Variants in CSTA observed in about 807,000 individuals in gnomAD.
CSTA encodes the protein cystatin-A.
Under a neutral mutation model 9.2 loss-of-function variants are expected in CSTA, and 9 were observed. The ratio of observed to expected loss-of-function variants is 0.97; its 90% CI spans 0.59 to 1.70. The LOEUF is 1.70. Ranked by LOEUF, CSTA falls within the 40% of genes most tolerant of loss-of-function variation. The pLI, the probability that CSTA is intolerant of heterozygous loss-of-function variation, is 0.00. For missense variants in CSTA, 118 were observed against 113.1 expected (o/e 1.04, Z -0.20); for synonymous variants, 36 against 40.6 (o/e 0.89, Z 0.43).
chr3:122,329,004 C>A (rs186992319), intron 1 of CSTA, among the ~76,000 whole-genome samples: 362 of 150,762 alleles, frequency 2.4e-3, no homozygotes, highest in Non-Finnish European at 3.9e-3. Flanking sequence ...CTCGCTCTGT[C>A]GCCCAGGCTG....
chr3:122,334,491 A>G (rs1049160180), intron 1 of CSTA, among the ~76,000 whole-genome samples: 8 of 152,066 alleles, frequency 5.3e-5, no homozygotes, highest in African/African-American at 1.9e-4. Flanking sequence ...TTAAAAAAAC[A>G]AAAAACAAAA....
chr3:122,332,834 C>A (rs377736582), intron 1 of CSTA, among the ~76,000 whole-genome samples: 1 of 152,188 alleles, frequency 6.6e-6, no homozygotes, highest in Non-Finnish European at 1.5e-5. Flanking sequence ...CTCCCACCAC[C>A]GTTCCCAGCT....
At chr3:122,331,878 A>G (rs1454022769) in intron 1 of CSTA, among the ~76,000 whole-genome samples, 1 of 151,854 alleles carries the variant, frequency 6.6e-6, no homozygotes, top group Non-Finnish European at 1.5e-5. Flanking sequence ...GTGGAAGGCA[A>G]TTTTTCCACA....
intron 1 of CSTA, among the ~76,000 whole-genome samples, chr3:122,335,989 ACACACACG>A (rs776645978): frequency 7.8e-6 from 1 of 129,032 alleles, no homozygotes. Context: ...ACACACACAC[ACACACACG>A]TACACACACA....
chr3:122,328,362 G>A (rs35835531), intron 1 of CSTA, among the ~76,000 whole-genome samples: 113,742 of 151,606 alleles, frequency 0.75, 44,395 homozygotes, highest in Non-Finnish European at 0.87. Context: ...TTAGCCCGGC[G>A]TGGTGGCAGG....
At chr3:122,340,831 C>T (rs186118272) in intron 2 of CSTA, among the ~76,000 whole-genome samples, 16 of 152,274 alleles carry the variant, frequency 1.1e-4, no homozygotes, top group African/African-American at 3.8e-4. Context: ...CACTTGTTTT[C>T]TTGCTCCATG....
chr3:122,327,528 CAAAAAAAAAAAA>C (rs59568582), intron 1 of CSTA, among the ~76,000 whole-genome samples: 4 of 44,092 alleles, frequency 9.1e-5, no homozygotes, highest in Non-Finnish European at 1.3e-4. Flanking sequence ...GACTCCGTCT[CAAAAAAAAAAAA>C]AAAAAAAAAA....
At chr3:122,339,806 G>A (rs1454008874) in intron 2 of CSTA, among the ~76,000 whole-genome samples, 3 of 152,178 alleles carry the variant, frequency 2.0e-5, no homozygotes, top group East Asian at 1.9e-4. Flanking sequence ...AGTGAGCTGC[G>A]ATCGCACCAC....
chr3:122,335,254 G>A (rs549793726), intron 1 of CSTA, among the ~76,000 whole-genome samples: 1 of 152,296 alleles, frequency 6.6e-6, no homozygotes, highest in African/African-American at 2.4e-5. Flanking sequence ...AGATGTCCAT[G>A]TCCTAATCCC....
intron 1 of CSTA, among the ~76,000 whole-genome samples, chr3:122,332,046 G>A (rs935529253): frequency 9.2e-5 from 14 of 152,182 alleles, no homozygotes; most frequent in South Asian, 2.1e-4. Context: ...AATCTGACAG[G>A]AGGCGGAGCT....
intron 2 of CSTA, 34 bp downstream of exon 2, chr3:122,337,682 A>C (rs1397718014): frequency 7.8e-7 from 1 of 1,277,764 alleles, no homozygotes; most frequent in Non-Finnish European, 1.1e-6. Flanking sequence ...GCGCCAAAAG[A>C]TGTATTTCTC....
chr3:122,337,121 T>C (rs1284687159), intron 1 of CSTA, among the ~76,000 whole-genome samples: 1 of 152,212 alleles, frequency 6.6e-6, no homozygotes, highest in African/African-American at 2.4e-5. Flanking sequence ...GATTATACTA[T>C]GTTATGTAAA....
At chr3:122,338,604 G>A (rs2075248722) in intron 2 of CSTA, among the ~76,000 whole-genome samples, 1 of 151,846 alleles carries the variant, frequency 6.6e-6, no homozygotes, top group Non-Finnish European at 1.5e-5. Context: ...TCTGCCAAAT[G>A]TGAGCTCCTA....
chr3:122,337,955 G>A (rs2075244786), intron 2 of CSTA: 1 of 352,272 alleles, frequency 2.8e-6, no homozygotes, highest in Non-Finnish European at 5.4e-6. Flanking sequence ...AAGGAGGGAG[G>A]ATCACGTCTC....
At chr3:122,326,861 T>C (rs1033575183) in intron 1 of CSTA, among the ~76,000 whole-genome samples, 2 of 152,216 alleles carry the variant, frequency 1.3e-5, no homozygotes, top group Non-Finnish European at 2.9e-5. Context: ...CAAGTGCTGC[T>C]GCTGCTGCCA....
chr3:122,337,566 A>G lies in CSTA; in HGVS notation c.86A>G (p.Glu29Gly), dbSNP rs2075242749. The change falls in exon 2 of 3, where the codon GAA becomes GGA. Residue 29 changes from glutamate to glycine, a missense_variant. Coordinates refer to ENST00000264474, the MANE Select transcript of CSTA (RefSeq NM_005213.4). ...IVDKVKPQLEEKTNETYGKLE... is the reference protein window; with the variant it reads ...IVDKVKPQLEGKTNETYGKLE... ...CTTTAGGTTAAACCACAGCTTGAAG[A>G]AAAAACAAATGAGACTTACGGAAAA... 2 of 1,612,456 alleles carry G rather than the reference A, an allele frequency of 1.2e-6. No individual in the cohort carries two copies. The highest frequency in any genetic ancestry group is 2.2e-5 in the South Asian group (2 of 91,044).
chr3:122,330,945 A>G (rs1450471500), intron 1 of CSTA, among the ~76,000 whole-genome samples: 1 of 152,192 alleles, frequency 6.6e-6, no homozygotes, highest in East Asian at 1.9e-4. Flanking sequence ...CCCAACAGCA[A>G]AAGCCTCCGG....
intron 2 of CSTA, among the ~76,000 whole-genome samples, chr3:122,339,146 A>G (rs745451141): frequency 4.6e-5 from 7 of 152,324 alleles, no homozygotes; most frequent in Non-Finnish European, 1.0e-4. Flanking sequence ...GAATGGAAGG[A>G]CCACAAGCTT....
At chr3:122,325,446 A>G in intron 1 of CSTA, 88 bp downstream of exon 1, 1 of 1,300,840 alleles carries the variant, frequency 7.7e-7, no homozygotes, top group Non-Finnish European at 1.1e-6. Context: ...GAACATGAAA[A>G]CCAGAAGTTT....
Sources: allele counts gnomAD v4.1 joint callset (sites outside exome capture counted in the v4.1 genomes callset), GRCh38; gene constraint gnomAD v4.1.1; transcripts MANE v1.5; gene names NCBI Gene and HGNC (gene_info 2026-07-23, HGNC 2026-07-21).